The following FBN3 variants were observed in gnomAD, a reference collection of about 807,000 sequenced individuals.
FBN3 encodes fibrillin-3.
In FBN3, 234 loss-of-function variants were observed where a neutral mutation model predicts 330.1. The ratio of observed to expected loss-of-function variants is 0.71; its 90% CI spans 0.64 to 0.79. FBN3 has a LOEUF of 0.79. Ranked by LOEUF, FBN3 falls within the 30% of genes least tolerant of loss-of-function variation. The pLI is 0.00. For synonymous variants in FBN3, 1,458 were observed against 1,517.3 expected (o/e 0.96, Z 0.91); for missense variants, 3,606 against 3,886.9 (o/e 0.93, Z 1.92).
intron 30 of FBN3, among the ~76,000 whole-genome samples, chr19:8,113,270 C>CT (rs142801935): frequency 1.3e-5 from 2 of 151,908 alleles, no homozygotes; most frequent in African/African-American, 2.4e-5. Context: ...TACAAAAACA[C>CT]TTTTTTTTCC....
chr19:8,066,150 T>C lies in FBN3; in HGVS notation c.8199A>G (p.Leu2733=), dbSNP rs148313867. The change falls in exon 64 of 64, where the codon CTA becomes CTG. Residue 2733 remains leucine (L), a synonymous_variant. Transcript: ENST00000600128. ...CGATGACGTAGCGGATCCGGCCCTCTAGACCCTCCAGGGCCGGCCGGAGCT... is the reference window on the plus strand; with the variant it reads ...CGATGACGTAGCGGATCCGGCCCTCCAGACCCTCCAGGGCCGGCCGGAGCT... ...ILELRPALEG[L]EGRIRYVIVR... 1.3e-3 allele frequency: 2,066 copies of C among 1,613,374 alleles called. 1 individual carries two copies. Among genetic ancestry groups the C allele is most frequent in the Non-Finnish European group, 1.7e-3 (1,963 of 1,179,982 alleles).
rs576126264 is a variant in FBN3 at position 8,138,340 on chromosome 19, T to C, written c.1019-17A>G. On this transcript the variant is annotated splice_polypyrimidine_tract_variant and intron_variant, in intron 9 of 63. Transcript: ENST00000600128. ...GGAATTCATCTGCAAGGAAGCAGGG[T>C]TGAGGCCAGGCCCTTGGCCCTCCCC... 17 of 1,612,256 alleles carry C rather than the reference T, an allele frequency of 1.1e-5. No homozygotes were observed. In the South Asian group the frequency reaches 1.5e-4, roughly 15 times the overall value.
At chr19:8,081,243 T>C (rs1217042195) in intron 58 of FBN3, 115 bp downstream of exon 58, 2 of 1,487,686 alleles carry the variant, frequency 1.3e-6, no homozygotes, top group African/African-American at 1.4e-5. Context: ...GAGATGGTGC[T>C]TGACTCCATG....
Position 8,090,233 on chromosome 19 carries a change from C to T in FBN3, c.6050G>A (p.Cys2017Tyr), listed in dbSNP as rs2082063909. 2 of 1,613,882 alleles carry T rather than the reference C, an allele frequency of 1.2e-6. No individual in the cohort carries two copies. Among genetic ancestry groups the T allele is most frequent in the Non-Finnish European group, 1.7e-6 (2 of 1,180,020 alleles). The part of the protein sequence containing the change: ...HRCFDTRQSF[C>Y]FTRFEAGKCS... ...CTTCCCAGCCTCAAAACGGGTGAAGCAGAAACTCTGCCGTGTGTCTGTGGG... is the reference window on the plus strand; with the variant it reads ...CTTCCCAGCCTCAAAACGGGTGAAGTAGAAACTCTGCCGTGTGTCTGTGGG... The change falls in exon 49 of 64, where the codon TGC (cysteine) becomes TAC (tyrosine). Residue 2017 changes from cysteine to tyrosine, a missense_variant. Transcript: ENST00000600128.
In FBN3 at chr19:8,132,968, C is replaced by T. The variant is rs1268477030; in HGVS notation, c.1714+16G>A. ...TCCCTTCTCCCCTCCGCTGGCCAGT[C>T]TGGCTCCAGGCTCACCCATGCAGTA... On this transcript the variant is annotated intron_variant, in intron 14 of 63. Transcript: ENST00000600128. 1.9e-6 allele frequency: 3 copies of T among 1,541,352 alleles called. No individual in the cohort carries two copies. The highest frequency in any genetic ancestry group is 2.6e-6 in the Non-Finnish European group (3 of 1,146,678).
chr19:8,121,155 C>A lies in FBN3; in HGVS notation c.3211+103G>T. ...TTACAGCTCCTCCCTCCTCCTGCCC[C>A]CTCCATCCACGTCCACACAGCAACA... On this transcript the variant is annotated intron_variant, in intron 25 of 63. Transcript: ENST00000600128. This position sits in a 1 kb window ranked among gnomAD's most constrained non-coding sequence, Gnocchi z 4.5. The A allele has an allele frequency of 8.7e-7, 1 of 1,150,454 alleles. No individual in the cohort carries two copies. The allele number at this position is 1,150,454 out of a possible 1,614,324, so 71.3% of individuals were successfully genotyped here. A position where few individuals can be genotyped will look rare whatever the true frequency, so the allele number is the denominator to read the frequency against.
Position 8,081,103 on chromosome 19 carries a change from G to A in FBN3, c.7353C>T (p.Thr2451=), listed in dbSNP as rs748727434. 8 of 1,613,712 alleles carry A rather than the reference G, an allele frequency of 5.0e-6. No homozygotes were observed. The highest frequency in any genetic ancestry group is 1.7e-6 in the Non-Finnish European group (2 of 1,179,912). The stretch of plus-strand genomic sequence containing the variant: ...GGAACTGACAGTTGTGCTGCCGGGA[G>A]GTGCATTCGTCCAGGTCTGCAGCAC... ...GRTCKDLDEC[T]SRQHNCQFLC... The change falls in exon 59 of 64, where the codon ACC becomes ACT. Residue 2451 remains threonine, a synonymous_variant. Coordinates refer to ENST00000600128, the MANE Select transcript of FBN3 (RefSeq NM_032447.5).
In FBN3 at chr19:8,118,878, C is replaced by A; in HGVS notation, c.3337+19G>T. On this transcript the variant is annotated intron_variant, in intron 26 of 63. Transcript: ENST00000600128. ...ACATGGGCTAACACTCACACTTGCA[C>A]ACCCAGATGCACACTTACCCTCACA... 3 of 1,600,280 alleles carry A rather than the reference C, an allele frequency of 1.9e-6. No homozygotes were observed. The highest frequency in any genetic ancestry group is 2.6e-6 in the Non-Finnish European group (3 of 1,168,624).
chr19:8,146,878 CA>C (rs2083558645), intron 3 of FBN3, among the ~76,000 whole-genome samples: 1 of 151,970 alleles, frequency 6.6e-6, no homozygotes, highest in South Asian at 2.1e-4. Context: ...AGAGACAAAG[CA>C]AGGGAACCAG....
intron 63 of FBN3, among the ~76,000 whole-genome samples, chr19:8,071,784 G>A (rs955257930): frequency 8.5e-5 from 13 of 152,106 alleles, no homozygotes; most frequent in Non-Finnish European, 1.5e-5. Context: ...GCCAGGGTCT[G>A]TATGGAAGAC....
intron 63 of FBN3, among the ~76,000 whole-genome samples, chr19:8,068,134 C>G (rs2081431647): frequency 1.3e-5 from 2 of 151,982 alleles, no homozygotes; most frequent in Non-Finnish European, 2.9e-5. Flanking sequence ...CACCTGTAAT[C>G]CCAGCACTTT....
intron 22 of FBN3, 39 bp from the exon 23 acceptor site, chr19:8,124,047 C>T: frequency 1.3e-6 from 2 of 1,535,026 alleles, no homozygotes; most frequent in Non-Finnish European, 1.8e-6. Flanking sequence ...ACCCCTGCCA[C>T]ACTGTGCCCA....
rs554759318 is a variant in FBN3 at position 8,077,244 on chromosome 19, A to G, written c.7454-1833T>C. On this transcript the variant is annotated intron_variant, in intron 59 of 63. Transcript: ENST00000600128. ...GCTGGTATACTGCATTTGAACTGGGATTTTGAGGAATGAACAACAAATTCC... is the reference window on the plus strand; with the variant it reads ...GCTGGTATACTGCATTTGAACTGGGGTTTTGAGGAATGAACAACAAATTCC... Among the ~76,000 whole-genome samples the G allele has an allele frequency of 2.6e-5, 4 of 152,298 alleles. No individual in the cohort carries two copies. The South Asian group carries it at 6.2e-4, about 24-fold the overall frequency.
At position 8,135,984 on chromosome 19, in the gene FBN3, C is replaced by T. The variant is rs1416951370; in HGVS notation, c.1568G>A (p.Ser523Asn). ...ACCCACACAGTTCTTGCCGTCAGGG[C>T]TGAGCTCGAAGCCTGCATTGCAGAC... ...QCVCNAGFEL[S>N]PDGKNCVDHN... is the part of the protein sequence containing the mutation. The change falls in exon 13 of 64, where the codon AGC (serine) becomes AAC (asparagine). Residue 523 changes from serine (S) to asparagine (N), a missense_variant. Physicochemically the swap from Ser to Asn is conservative, Grantham distance 46 (BLOSUM62 1). Coordinates refer to ENST00000600128, the MANE Select transcript of FBN3 (RefSeq NM_032447.5). 6.6e-7 allele frequency: 1 copy of T among 1,522,416 alleles called. No homozygotes were observed. The allele number at this position is 1,522,416 out of a possible 1,614,324, so 94.3% of individuals were successfully genotyped here.
At chr19:8,123,254 T>A (rs759443725) in intron 24 of FBN3, among the ~76,000 whole-genome samples, 3 of 151,788 alleles carry the variant, frequency 2.0e-5, no homozygotes, top group Non-Finnish European at 4.4e-5. Flanking sequence ...CTTAGGAGGC[T>A]GAGGCAGGAG....
At chr19:8,127,825 A>G (rs1045722312) in intron 18 of FBN3, among the ~76,000 whole-genome samples, 32 of 152,096 alleles carry the variant, frequency 2.1e-4, no homozygotes, top group Admixed American at 5.9e-4. Flanking sequence ...TCTATTAAAA[A>G]TACAAATTAG....
chr19:8,094,934 T>C (rs570565547), intron 46 of FBN3, among the ~76,000 whole-genome samples: 2 of 152,342 alleles, frequency 1.3e-5, no homozygotes, highest in Non-Finnish European at 2.9e-5. Context: ...ACCCCATACA[T>C]AGAAACATAG....
In FBN3 at chr19:8,116,739, G is replaced by A. The variant is rs749203895; in HGVS notation, c.3647C>T (p.Pro1216Leu). The change falls in exon 29 of 64, where the codon CCA becomes CTA. Residue 1216 changes from proline (P) to leucine (L), a missense_variant. Coordinates refer to ENST00000600128, the MANE Select transcript of FBN3 (RefSeq NM_032447.5). The part of the protein sequence containing the change: ...VCDQGHCTNM[P>L]GGHRCLCYDG... ...ATAGCACAGGCAGCGGTGACCCCCT[G>A]GCATGTTGGTGCAGTGGCCTTGGTC... The A allele has an allele frequency of 2.5e-6, 4 of 1,614,038 alleles. No individual in the cohort carries two copies. The highest frequency in any genetic ancestry group is 3.4e-6 in the Non-Finnish European group (4 of 1,179,976).
At chr19:8,072,966 CGTGTGTGT>C (rs60155490) in intron 62 of FBN3, 89 bp downstream of exon 62, 15,951 of 639,928 alleles carry the variant, frequency 0.025, 59 homozygotes, top group African/African-American at 0.052. Flanking sequence ...CACAAAGCCC[CGTGTGTGT>C]GTGTGTGTGT....
Sources: allele counts gnomAD v4.1 joint callset (sites outside exome capture counted in the v4.1 genomes callset), GRCh38; gene constraint gnomAD v4.1.1; non-coding constraint Gnocchi (gnomAD v3.1); transcripts MANE v1.5; gene names NCBI Gene and HGNC (gene_info 2026-07-23, HGNC 2026-07-21).